FAM135A: variants seen among roughly 807,000 people sequenced by gnomAD.
FAM135A encodes the protein family with sequence similarity 135 member A, also known as protein FAM135A.
In FAM135A, 79 loss-of-function variants were observed where a neutral mutation model predicts 146.8. The ratio of observed to expected loss-of-function variants is 0.54; its 90% confidence interval spans 0.45 to 0.65. The LOEUF (loss-of-function observed/expected upper bound fraction) is 0.65. Ranked by LOEUF, FAM135A falls within the 30% of genes least tolerant of loss-of-function variation. The pLI is 0.00. For missense variants in FAM135A, 1,623 were observed against 1,758.2 expected, an observed-to-expected ratio of 0.92 and a Z score of 1.38; for synonymous variants, 562 against 603.6, an observed-to-expected ratio of 0.93 and a Z score of 1.01.
chr6:70,453,148 G>A (rs948129704), intron 5 of FAM135A, among the ~76,000 whole-genome samples: 9 of 152,076 alleles, frequency 5.9e-5, no homozygotes, highest in Non-Finnish European at 1.3e-4. Flanking sequence ...CTTTCCCAAT[G>A]CAATATATGC....
chr6:70,464,654 C>CTTTTTTTT (rs1780028401), intron 5 of FAM135A, among the ~76,000 whole-genome samples: 1 of 131,846 alleles, frequency 7.6e-6, no homozygotes, highest in African/African-American at 3.2e-5. Context: ...TTCTTTCTTT[C>CTTTTTTTT]TTTCTTTTTT....
chr6:70,494,103 AG>A (rs1484549921), intron 11 of FAM135A, among the ~76,000 whole-genome samples: 1 of 151,286 alleles, frequency 6.6e-6, no homozygotes, highest in Non-Finnish European at 1.5e-5. Context: ...TTGATGAAGT[AG>A]GAAAATGTTC....
At chr6:70,451,657 A>T (rs1777108074) in intron 4 of FAM135A, among the ~76,000 whole-genome samples, 2 of 152,132 alleles carry the variant, frequency 1.3e-5, no homozygotes, top group Non-Finnish European at 2.9e-5. Context: ...AACAGTAATT[A>T]ATATATTTAT....
At chr6:70,461,211 A>G (rs1411083192) in intron 5 of FAM135A, among the ~76,000 whole-genome samples, 1 of 152,214 alleles carries the variant, frequency 6.6e-6, no homozygotes, top group Non-Finnish European at 1.5e-5. Context: ...ACTTGGAATC[A>G]GGAGTCTGTC....
At chr6:70,454,566 T>G (rs1041249899) in intron 5 of FAM135A, among the ~76,000 whole-genome samples, 3 of 152,228 alleles carry the variant, frequency 2.0e-5, no homozygotes, top group African/African-American at 4.8e-5. Context: ...CTTTAATCCA[T>G]CTTGAATTAA....
chr6:70,531,888 CTTTTT>C (rs869128532), intron 16 of FAM135A, among the ~76,000 whole-genome samples: 11,453 of 85,064 alleles, frequency 0.13, 280 homozygotes, highest in Middle Eastern at 0.29. Flanking sequence ...AAACTGATTT[CTTTTT>C]TTTTTTTTTT....
chr6:70,478,753 T>C (rs1783113287), intron 8 of FAM135A, among the ~76,000 whole-genome samples: 2 of 152,154 alleles, frequency 1.3e-5, no homozygotes, highest in Admixed American at 1.3e-4. Context: ...ACTGGTAGTT[T>C]TGCTGTCTTT....
intron 5 of FAM135A, among the ~76,000 whole-genome samples, chr6:70,470,353 C>T (rs1369534432): frequency 6.6e-6 from 1 of 151,462 alleles, no homozygotes; most frequent in Non-Finnish European, 1.5e-5. Context: ...ACAAATCCTA[C>T]TATTACTTCT....
intron 4 of FAM135A, among the ~76,000 whole-genome samples, chr6:70,448,883 G>A (rs1776411278): frequency 6.6e-6 from 1 of 152,196 alleles, no homozygotes; most frequent in African/African-American, 2.4e-5. Context: ...CCTTTAAGCA[G>A]TTTTCTGCCC....
At chr6:70,544,714 G>A (rs768290774) in intron 20 of FAM135A, among the ~76,000 whole-genome samples, 3 of 151,704 alleles carry the variant, frequency 2.0e-5, no homozygotes, top group Admixed American at 6.6e-5. Context: ...ACACTCCAGC[G>A]GGGGATAGAG....
chr6:70,531,951 C>T (rs976679323), intron 16 of FAM135A, among the ~76,000 whole-genome samples: 4 of 136,988 alleles, frequency 2.9e-5, no homozygotes, highest in Admixed American at 8.1e-5. Context: ...GGCACGATCT[C>T]GGCTCACTGC....
intron 2 of FAM135A, among the ~76,000 whole-genome samples, chr6:70,420,857 T>TA (rs1768658692): frequency 6.6e-6 from 1 of 152,132 alleles, no homozygotes; most frequent in Admixed American, 6.5e-5. Flanking sequence ...ACTTTATACT[T>TA]ACAGCATACC....
At chr6:70,503,584 C>T (rs1452571376) in intron 12 of FAM135A, 1 of 152,158 alleles carries the variant, frequency 6.6e-6, no homozygotes, top group East Asian at 1.9e-4. Flanking sequence ...GATGTTCTCT[C>T]TGTATCTTTT....
At chr6:70,464,399 C>A (rs1779973087) in intron 5 of FAM135A, among the ~76,000 whole-genome samples, 1 of 152,096 alleles carries the variant, frequency 6.6e-6, no homozygotes, top group Non-Finnish European at 1.5e-5. Context: ...TGACTGCCTA[C>A]TATGTGTGAG....
intron 12 of FAM135A, among the ~76,000 whole-genome samples, chr6:70,520,238 CTAG>C (rs555539100): frequency 1.3e-3 from 200 of 152,118 alleles, no homozygotes; most frequent in African/African-American, 4.4e-3. Flanking sequence ...ATTGTATCAA[CTAG>C]TAAGTATAAA....
At chr6:70,469,897 G>T (rs1008060875) in intron 5 of FAM135A, among the ~76,000 whole-genome samples, 1 of 152,036 alleles carries the variant, frequency 6.6e-6, no homozygotes, top group African/African-American at 2.4e-5. Flanking sequence ...TGGCTGAGGT[G>T]AGAGGATCGC....
chr6:70,454,031 A>G (rs770638445), intron 5 of FAM135A, among the ~76,000 whole-genome samples: 20 of 152,192 alleles, frequency 1.3e-4, no homozygotes, highest in Non-Finnish European at 2.2e-4. Context: ...TCCCACCAAC[A>G]GTGTAAAAAG....
At position 70,531,166 on chromosome 6, in the gene FAM135A, C is replaced by A. The variant is rs144186949; in HGVS notation, c.3776-1994C>A. 3.8e-3 allele frequency among the ~76,000 whole-genome samples: 576 copies of A among 152,322 alleles called. 1 individual carries two copies. Among genetic ancestry groups the A allele is most frequent in the Non-Finnish European group, 5.9e-3 (400 of 68,026 alleles). ...TTCTGCAAAAGCTTTGGCTGATTTT[C>A]TCAAAACACTCTAATGATAAGCAGA... On this transcript the variant is annotated intron_variant, in intron 16 of 21. Coordinates refer to ENST00000418814, the MANE Select transcript of FAM135A (RefSeq NM_001162529.3).
chr6:70,490,950 A>G (rs1785774761), intron 10 of FAM135A, 84 bp from the exon 11 acceptor site: 4 of 973,054 alleles, frequency 4.1e-6, no homozygotes, highest in Non-Finnish European at 5.9e-6. Context: ...ATCATTCTTA[A>G]TTTTCAGTTT....
Sources: gnomAD v4.1 joint callset for allele counts (sites outside exome capture counted in the v4.1 genomes callset) on GRCh38, gnomAD v4.1.1 for gene constraint, MANE v1.5 for transcripts, NCBI Gene and HGNC (gene_info 2026-07-23, HGNC 2026-07-21) for gene names.